Variants in MYCBP2 observed in about 807,000 individuals in gnomAD.
The protein encoded by MYCBP2 is E3 ubiquitin-protein ligase MYCBP2.
MYCBP2 carries 120 observed loss-of-function variants against 525.3 expected under a neutral mutation model. The observed-to-expected ratio is 0.23, with a 90% confidence interval of 0.20 to 0.27. The LOEUF (loss-of-function observed/expected upper bound fraction) is 0.27. Ranked by LOEUF, MYCBP2 falls within the 10% of genes least tolerant of loss-of-function variation. MYCBP2 has a pLI of 1.00. For missense variants in MYCBP2, 4,149 were observed against 5,657.1 expected, an observed-to-expected ratio of 0.73 and a Z score of 8.55; for synonymous variants, 1,894 against 1,955.8, an observed-to-expected ratio of 0.97 and a Z score of 0.83.
intron 47 of MYCBP2, among the ~76,000 whole-genome samples, chr13:77,149,069 A>G (rs114689017): frequency 0.011 from 1,712 of 152,052 alleles, 6 homozygotes; most frequent in African/African-American, 0.016. Context: ...ATGTAACTCT[A>G]TCTCTATTAA....
At position 77,126,521 on chromosome 13, in the gene MYCBP2, C is replaced by A; in HGVS notation, c.7681G>T (p.Asp2561Tyr). 1 of 1,613,238 alleles carries A rather than the reference C, an allele frequency of 6.2e-7. No homozygotes were observed. The highest frequency in any genetic ancestry group is 1.1e-5 in the South Asian group (1 of 90,960). ...PVDESKTNTD[D>Y]FFKDINSCCP... ...CAGGAGTTTATGTCTTTGAAAAAGT[C>A]ATCAGTATTAGTTTTAGATTCCTGA... Residue 2561 changes from aspartate to tyrosine, a missense_variant, in exon 53 of 83, where the codon GAC (aspartate) becomes TAC (tyrosine). By Grantham distance (160) the Asp-to-Tyr change is radical (BLOSUM62 -3). Coordinates refer to ENST00000544440, the MANE Select transcript of MYCBP2 (RefSeq NM_015057.5).
At chr13:77,118,727 C>T (rs1243378848) in intron 55 of MYCBP2, among the ~76,000 whole-genome samples, 4 of 151,612 alleles carry the variant, frequency 2.6e-5, no homozygotes, top group Non-Finnish European at 4.4e-5. Flanking sequence ...AGAAGCCCAC[C>T]TATAAAAACA....
chr13:77,298,959 A>G (rs2078483178), intron 1 of MYCBP2, among the ~76,000 whole-genome samples: 1 of 152,192 alleles, frequency 6.6e-6, no homozygotes, highest in Non-Finnish European at 1.5e-5. Flanking sequence ...TGGTCAATAA[A>G]TATCAGATGA....
At chr13:77,196,716 A>G (rs542640102) in intron 26 of MYCBP2, among the ~76,000 whole-genome samples, 28 of 152,026 alleles carry the variant, frequency 1.8e-4, no homozygotes, top group Non-Finnish European at 4.0e-4. Context: ...ACATGAGGAT[A>G]GCAGGTTTAG....
At chr13:77,169,314 T>G (rs1363641081) in intron 39 of MYCBP2, among the ~76,000 whole-genome samples, 2 of 145,458 alleles carry the variant, frequency 1.4e-5, no homozygotes, top group Non-Finnish European at 3.0e-5. Flanking sequence ...GAGAATGGCG[T>G]GAACCCGGAA....
rs1296175172 is a variant in MYCBP2 at position 77,139,176 on chromosome 13, T to C, written c.7659+20A>G. ...AACAGCGTGTATCTATAATGCTTTT[T>C]AAAACCACCTTTTACTTACGTCAAC... is the stretch of plus-strand genomic sequence containing the variant. On this transcript the variant is annotated intron_variant, in intron 52 of 82. Coordinates refer to ENST00000544440, the MANE Select transcript of MYCBP2 (RefSeq NM_015057.5). The C allele has an allele frequency of 1.2e-6, 2 of 1,609,002 alleles. No homozygotes were observed. Among genetic ancestry groups the C allele is most frequent in the South Asian group, 2.2e-5 (2 of 90,382 alleles).
intron 55 of MYCBP2, 104 bp from the exon 56 acceptor site, chr13:77,099,117 T>G (rs555375350): frequency 7.2e-7 from 1 of 1,398,520 alleles, no homozygotes; most frequent in Non-Finnish European, 9.7e-7. Context: ...AAAATTTATA[T>G]TGTTTGTCAT....
At position 77,058,254 on chromosome 13, in the gene MYCBP2, A is replaced by G. The variant is rs767442946; in HGVS notation, c.13293T>C (p.Cys4431=). 1.2e-6 allele frequency: 2 copies of G among 1,614,040 alleles called. No homozygotes were observed. Among genetic ancestry groups the G allele is most frequent in the African/African-American group, 2.7e-5 (2 of 74,908 alleles). The change falls in exon 78 of 83, where the codon TGT becomes TGC. Residue 4431 remains cysteine (C), a synonymous_variant. Transcript: ENST00000544440. The surrounding 1 kb of genome is among the most constrained non-coding windows in gnomAD (Gnocchi z 4.1). ...KQDADDMCMI[C]FTEALSAAPA... ...GTGCTGCCGAGAGCGCTTCGGTGAA[A>G]CATATCATGCACATGTCATCGGCGT...
chr13:77,146,501 T>A (rs1472108335), intron 47 of MYCBP2, among the ~76,000 whole-genome samples: 2 of 151,484 alleles, frequency 1.3e-5, no homozygotes, highest in African/African-American at 4.8e-5. Flanking sequence ...ACAAATACTA[T>A]ACAGAAAGGA....
At chr13:77,239,655 T>C (rs751308367) in intron 17 of MYCBP2, among the ~76,000 whole-genome samples, 4 of 152,190 alleles carry the variant, frequency 2.6e-5, no homozygotes, top group Admixed American at 6.5e-5. Flanking sequence ...TTACTGGCTG[T>C]ACTCCCCCAG....
At chr13:77,205,141 A>G (rs2063178719) in intron 26 of MYCBP2, 115 bp downstream of exon 26, 1 of 944,188 alleles carries the variant, frequency 1.1e-6, no homozygotes, top group Non-Finnish European at 1.4e-6. Context: ...AGCATTAAAA[A>G]CAAAATAAAC....
At chr13:77,055,808 T>A in intron 79 of MYCBP2, 41 bp from the exon 80 acceptor site, 2 of 1,457,470 alleles carry the variant, frequency 1.4e-6, no homozygotes, top group Non-Finnish European at 1.9e-6. Context: ...AATCATTTAT[T>A]AACCAACTCA....
chr13:77,169,966 T>C (rs11618512), intron 38 of MYCBP2, among the ~76,000 whole-genome samples: 5,997 of 152,302 alleles, frequency 0.039, 190 homozygotes, highest in Non-Finnish European at 0.06. Context: ...ACATAGGGTT[T>C]AAGTATCTTA....
At position 77,177,756 on chromosome 13, in the gene MYCBP2, C is replaced by T; in HGVS notation, c.5332G>A (p.Val1778Ile). 1 of 1,610,640 alleles carries T rather than the reference C, an allele frequency of 6.2e-7. No homozygotes were observed. Among genetic ancestry groups the T allele is most frequent in the Non-Finnish European group, 8.5e-7 (1 of 1,176,828 alleles). ...AAAAGGGTGATACTTACATCATCAA[C>T]CAACACCTCTAATTCATATTCATGA... ...GIHEYELEVL[V>I]DDSEHAGDST... Residue 1778 changes from valine (V) to isoleucine (I), a missense_variant, in exon 35 of 83, where the codon GTT becomes ATT. Val to Ile is a conservative substitution (Grantham distance 29). Coordinates refer to ENST00000544440, the MANE Select transcript of MYCBP2 (RefSeq NM_015057.5).
Position 77,326,756 on chromosome 13 carries a change from G to A in MYCBP2, c.20C>T (p.Thr7Ile). 1.4e-6 allele frequency: 2 copies of A among 1,416,404 alleles called. No homozygotes were observed. Among genetic ancestry groups the A allele is most frequent in the Admixed American group, 3.8e-5 (1 of 26,018 alleles). 87.7% of individuals were successfully genotyped at this position (1,416,404 alleles called of 1,614,324 possible). A position where few individuals can be genotyped will look rare whatever the true frequency, so the allele number is the denominator to read the frequency against. The change falls in exon 1 of 83, where the codon ACT (threonine) becomes ATT (isoleucine). Residue 7 changes from threonine (T) to isoleucine (I), a missense_variant. Thr to Ile is a moderately conservative substitution (Grantham distance 89). Coordinates refer to ENST00000544440, the MANE Select transcript of MYCBP2 (RefSeq NM_015057.5). The surrounding 1 kb of genome is among the most constrained non-coding windows in gnomAD (Gnocchi z 4.2). ...CGAGGAGGCGGCGGCGGGGGAGGCA[G>A]TCGCTGCGCACATCATCATCCTCGC... MMMCAA[T>I]ASPAAASSGL...
rs779914845 is a variant in MYCBP2, at chr13:77,233,170, C to T, written c.2723G>A (p.Arg908Gln). The T allele has an allele frequency of 2.4e-5, 39 of 1,613,120 alleles. 1 individual carries two copies. In the East Asian group the frequency reaches 7.1e-4, roughly 30 times the overall value. The change falls in exon 18 of 83, where the codon CGG becomes CAG. Residue 908 changes from arginine to glutamine, a missense_variant. This residue lies in a region of MYCBP2 where 620 missense variants were observed against 795.5 expected (regional missense o/e 0.78). Transcript: ENST00000544440. ...AGACCAAATACCTTTGTGCTTGTCC[C>T]GTTTATGCTTTAGCTGTGCTGGATG... Reference protein sequence around the residue: ...RSHPAQLKHKRDKHKDGSGER... With the variant: ...RSHPAQLKHKQDKHKDGSGER...
intron 17 of MYCBP2, among the ~76,000 whole-genome samples, chr13:77,234,398 G>A (rs1303584089): frequency 6.6e-6 from 1 of 151,814 alleles, no homozygotes; most frequent in Non-Finnish European, 1.5e-5. Context: ...GGGACAAATT[G>A]AGCCTACTGC....
intron 57 of MYCBP2, 90 bp downstream of exon 57, chr13:77,096,222 G>T: frequency 3.2e-6 from 4 of 1,246,814 alleles, no homozygotes; most frequent in Non-Finnish European, 4.4e-6. Flanking sequence ...CAACTATGTG[G>T]AATTATCTGA....
Position 77,281,994 on chromosome 13 carries a change from C to T in MYCBP2, c.595-3083G>A, listed in dbSNP as rs78387739. On this transcript the variant is annotated intron_variant, in intron 3 of 82. Transcript: ENST00000544440. ...GTCTTTTAAAATTGTTTGTATAAAG[C>T]AAATATTTGGTACAGAGATAATATC... 2.8e-4 allele frequency among the ~76,000 whole-genome samples: 42 copies of T among 151,840 alleles called. 1 individual carries two copies. Among genetic ancestry groups the T allele is most frequent in the Non-Finnish European group, 5.2e-4 (35 of 67,952 alleles).
Sources: gnomAD v4.1 joint callset for allele counts (sites outside exome capture counted in the v4.1 genomes callset) on GRCh38, gnomAD v4.1.1 for gene constraint, gnomAD v4.1.1 regional missense constraint, Gnocchi (gnomAD v3.1) non-coding constraint, MANE v1.5 for transcripts, NCBI Gene and HGNC (gene_info 2026-07-23, HGNC 2026-07-21) for gene names.